The following FRZB variants were observed in gnomAD, a reference collection of about 807,000 sequenced individuals.
The protein encoded by FRZB is secreted frizzled-related protein 3.
A neutral mutation model predicts 32.5 loss-of-function variants in FRZB; 34 were observed. The ratio of observed to expected loss-of-function variants is 1.05; its 90% CI spans 0.80 to 1.39. The LOEUF is 1.39. Among genes scored for constraint, FRZB ranks in the 40% most tolerant of loss-of-function variants. FRZB has a pLI of 0.00. For missense variants in FRZB, 423 were observed against 424.8 expected, an observed-to-expected ratio of 1.00 and a Z score of 0.04; for synonymous variants, 170 against 159.2, an observed-to-expected ratio of 1.07 and a Z score of -0.51.
intron 3 of FRZB, 98 bp from the exon 4 acceptor site, chr2:182,838,711 T>C: frequency 1.1e-6 from 1 of 944,666 alleles, no homozygotes; most frequent in South Asian, 1.5e-5. Flanking sequence ...TTAATTCTTA[T>C]CCACTTGATA....
intron 2 of FRZB, among the ~76,000 whole-genome samples, chr2:182,845,888 A>G (rs949482056): frequency 1.3e-5 from 2 of 152,224 alleles, no homozygotes; most frequent in Non-Finnish European, 2.9e-5. Flanking sequence ...TCATAGAAAC[A>G]TGAGTTTATC....
intron 2 of FRZB, among the ~76,000 whole-genome samples, chr2:182,850,752 T>C (rs1415408616): frequency 6.6e-6 from 1 of 152,220 alleles, no homozygotes; most frequent in Non-Finnish European, 1.5e-5. Flanking sequence ...AGTAATAAAA[T>C]TGCTGGATCA....
chr2:182,863,316 A>C (rs1695855271), intron 1 of FRZB, among the ~76,000 whole-genome samples: 1 of 152,266 alleles, frequency 6.6e-6, no homozygotes. Context: ...TTTTCAGATA[A>C]TCAGTTGTAC....
intron 2 of FRZB, 32 bp downstream of exon 2, chr2:182,858,754 A>T: frequency 6.4e-7 from 1 of 1,559,932 alleles, no homozygotes; most frequent in Non-Finnish European, 8.8e-7. Context: ...TCTGACCACA[A>T]ATGAAAACCA....
chr2:182,846,739 TC>T (rs1487566896), intron 2 of FRZB, among the ~76,000 whole-genome samples: 1 of 152,170 alleles, frequency 6.6e-6, no homozygotes, highest in Non-Finnish European at 1.5e-5. Context: ...AATTTGAAGA[TC>T]CAGGTCCTTA....
In FRZB at chr2:182,838,013, T is replaced by C; in HGVS notation, c.798-2A>G. 3.7e-6 allele frequency: 6 copies of C among 1,608,966 alleles called. No homozygotes were observed. The highest frequency in any genetic ancestry group is 5.1e-6 in the Non-Finnish European group (6 of 1,177,382). Reference sequence around the variant, plus strand: ...ATAGAGCCTTCCACCAAGAGTAATCTGTATTTTTGAAAGAAGCAAACATTT... The same window carrying C: ...ATAGAGCCTTCCACCAAGAGTAATCCGTATTTTTGAAAGAAGCAAACATTT... On this transcript the variant is annotated splice_acceptor_variant, in intron 4 of 5. Transcript: ENST00000295113. LOFTEE classifies it high-confidence loss of function.
chr2:182,864,628 T>G (rs779602522), intron 1 of FRZB, among the ~76,000 whole-genome samples: 1 of 152,266 alleles, frequency 6.6e-6, no homozygotes, highest in Non-Finnish European at 1.5e-5. Context: ...GAAATTCTTC[T>G]GTTTATTTTT....
In FRZB at chr2:182,838,570, A is replaced by T; in HGVS notation, c.636T>A (p.Asp212Glu). 1 of 1,612,964 alleles carries T rather than the reference A, an allele frequency of 6.2e-7. No individual in the cohort carries two copies. Among genetic ancestry groups the T allele is most frequent in the Non-Finnish European group, 8.5e-7 (1 of 1,179,174 alleles). ...CCTTCACCTCCACTACTGCAGTCACATCATGGCACTTAGTCTTTATCTCTT... is the reference window on the plus strand; with the variant it reads ...CCTTCACCTCCACTACTGCAGTCACTTCATGGCACTTAGTCTTTATCTCTT... ...KVKEIKTKCHDVTAVVEVKEI... is the reference protein window; with the variant it reads ...KVKEIKTKCHEVTAVVEVKEI... Residue 212 changes from aspartate (D) to glutamate (E), a missense_variant, in exon 4 of 6, where the codon GAT (aspartate) becomes GAA (glutamate). By Grantham distance (45) the Asp-to-Glu change is conservative. Transcript: ENST00000295113.
At chr2:182,865,359 T>C (rs139358623) in intron 1 of FRZB, among the ~76,000 whole-genome samples, 208 of 152,320 alleles carry the variant, frequency 1.4e-3, no homozygotes, top group African/African-American at 4.9e-3. Context: ...GTAATTTCAG[T>C]CTGCCAGCTC....
intron 2 of FRZB, among the ~76,000 whole-genome samples, chr2:182,851,910 G>A (rs919125668): frequency 1.3e-5 from 2 of 152,036 alleles, no homozygotes; most frequent in Admixed American, 6.5e-5. Context: ...TATAGCTGAG[G>A]GACAAGCAGA....
At chr2:182,844,188 G>T (rs891902260) in intron 2 of FRZB, among the ~76,000 whole-genome samples, 2 of 152,092 alleles carry the variant, frequency 1.3e-5, no homozygotes, top group Admixed American at 1.3e-4. Context: ...ACCACACACA[G>T]CTCCTTCCCT....
At chr2:182,849,028 C>T (rs1695679863) in intron 2 of FRZB, among the ~76,000 whole-genome samples, 1 of 152,080 alleles carries the variant, frequency 6.6e-6, no homozygotes, top group Non-Finnish European at 1.5e-5. Context: ...GAGATCGAGA[C>T]CATCCTGGCT....
intron 4 of FRZB, 63 bp downstream of exon 4, chr2:182,838,346 G>T: frequency 7.3e-7 from 1 of 1,367,464 alleles, no homozygotes; most frequent in Non-Finnish European, 1.0e-6. Context: ...CATCTCTAGA[G>T]ACAAATTTAA....
At chr2:182,864,416 G>A (rs955946084) in intron 1 of FRZB, among the ~76,000 whole-genome samples, 1 of 152,226 alleles carries the variant, frequency 6.6e-6, no homozygotes, top group Non-Finnish European at 1.5e-5. Flanking sequence ...AGCGGCAACT[G>A]CACTGAGCAC....
At chr2:182,849,098 GTGCC>G (rs1695681204) in intron 2 of FRZB, among the ~76,000 whole-genome samples, 1 of 152,032 alleles carries the variant, frequency 6.6e-6, no homozygotes, top group Non-Finnish European at 1.5e-5. Flanking sequence ...GTGGTGGCAA[GTGCC>G]TGTAGTCCCA....
At chr2:182,854,426 A>G (rs1256258063) in intron 2 of FRZB, among the ~76,000 whole-genome samples, 3 of 152,228 alleles carry the variant, frequency 2.0e-5, no homozygotes, top group African/African-American at 7.2e-5. Flanking sequence ...GGAGAAAATA[A>G]TACCATAAAA....
At chr2:182,839,886 C>T (rs1270460168) in intron 3 of FRZB, among the ~76,000 whole-genome samples, 1 of 152,034 alleles carries the variant, frequency 6.6e-6, no homozygotes, top group Non-Finnish European at 1.5e-5. Context: ...TGAGTACTTT[C>T]CCACATATTT....
chr2:182,842,971 A>T (rs1293460599), intron 2 of FRZB, among the ~76,000 whole-genome samples: 3 of 152,158 alleles, frequency 2.0e-5, no homozygotes, highest in Admixed American at 6.5e-5. Context: ...CTTTTAACAG[A>T]TGACACAGTA....
chr2:182,841,119 G>A (rs1695581143), intron 3 of FRZB, among the ~76,000 whole-genome samples: 1 of 151,964 alleles, frequency 6.6e-6, no homozygotes, highest in Non-Finnish European at 1.5e-5. Context: ...CCAGGCATTT[G>A]ACTTCTTACA....
Sources: allele counts gnomAD v4.1 joint callset (sites outside exome capture counted in the v4.1 genomes callset), GRCh38; gene constraint gnomAD v4.1.1; transcripts MANE v1.5; gene names NCBI Gene and HGNC (gene_info 2026-07-23, HGNC 2026-07-21).